The following FAM193A variants were observed in gnomAD, a reference collection of about 807,000 sequenced individuals.
The protein encoded by FAM193A is family with sequence similarity 193 member A.
Under a neutral mutation model 126.5 loss-of-function variants are expected in FAM193A, and 22 were observed. That is an observed-to-expected ratio of 0.17 (90% CI 0.12 to 0.25). The LOEUF (loss-of-function observed/expected upper bound fraction) is 0.25. Among genes scored for constraint, FAM193A ranks in the 10% least tolerant of loss-of-function variants. The probability of loss-of-function intolerance (pLI) is 1.00; values close to 1 mark genes in which losing one functional copy is unlikely to be tolerated. For synonymous variants in FAM193A, 761 were observed against 646.8 expected (o/e 1.18, Z -2.68); for missense variants, 1,675 against 1,672.8 (o/e 1.00, Z -0.02).
intron 1 of FAM193A, among the ~76,000 whole-genome samples, chr4:2,557,690 C>T (rs745365937): frequency 7.2e-5 from 11 of 152,068 alleles, no homozygotes; most frequent in Non-Finnish European, 1.5e-4. Context: ...CGGTGGCTCA[C>T]GCCTGTAATC....
intron 1 of FAM193A, among the ~76,000 whole-genome samples, chr4:2,577,408 G>A (rs1399297871): frequency 8.8e-6 from 1 of 113,068 alleles, no homozygotes; most frequent in African/African-American, 3.1e-5. Flanking sequence ...CTCAATTAAA[G>A]TGGTTTTTTT....
At chr4:2,726,509 G>A (rs1215550391) in intron 20 of FAM193A, among the ~76,000 whole-genome samples, 3 of 152,118 alleles carry the variant, frequency 2.0e-5, no homozygotes, top group East Asian at 3.8e-4. Context: ...CATGGGATCC[G>A]GGTCCCGGTA....
intron 8 of FAM193A, 30 bp downstream of exon 8, chr4:2,657,910 AGG>A: frequency 1.4e-6 from 2 of 1,478,782 alleles, no homozygotes; most frequent in Non-Finnish European, 1.9e-6. Context: ...AGGCAATTAA[AGG>A]AAGTAGAAAT....
chr4:2,543,094 C>CTTT (rs199951533), intron 1 of FAM193A, among the ~76,000 whole-genome samples: 2 of 146,118 alleles, frequency 1.4e-5, no homozygotes, highest in African/African-American at 2.5e-5. Context: ...GTTTTCTTTT[C>CTTT]TTTTTTTTTT....
At chr4:2,723,785 G>C (rs1156348260) in intron 20 of FAM193A, among the ~76,000 whole-genome samples, 2 of 146,826 alleles carry the variant, frequency 1.4e-5, no homozygotes, top group Non-Finnish European at 3.0e-5. Context: ...TGGAGGGTTG[G>C]GGTTTCTGGG....
intron 2 of FAM193A, among the ~76,000 whole-genome samples, chr4:2,598,775 G>A (rs568605940): frequency 5.8e-4 from 89 of 152,334 alleles, no homozygotes; most frequent in Admixed American, 2.1e-3. Context: ...GGCCTCAGCT[G>A]GGCTGTCTCT....
intron 13 of FAM193A, among the ~76,000 whole-genome samples, chr4:2,688,330 T>C (rs1715977955): frequency 6.6e-6 from 1 of 152,070 alleles, no homozygotes; most frequent in African/African-American, 2.4e-5. Context: ...AAGGCTCGCC[T>C]TGGTCTTGGG....
chr4:2,659,704 C>T, intron 9 of FAM193A, 34 bp downstream of exon 9: 8 of 1,610,312 alleles, frequency 5.0e-6, no homozygotes, highest in Non-Finnish European at 6.8e-6. Flanking sequence ...CACGACTGGC[C>T]CATTGGACCT....
At chr4:2,637,256 G>A (rs1281180637) in intron 5 of FAM193A, among the ~76,000 whole-genome samples, 3 of 152,200 alleles carry the variant, frequency 2.0e-5, no homozygotes, top group African/African-American at 4.8e-5. Flanking sequence ...GAGCCTGGGA[G>A]GCGGAGGTTG....
At chr4:2,688,724 T>C (rs1375330888) in intron 13 of FAM193A, among the ~76,000 whole-genome samples, 1 of 152,228 alleles carries the variant, frequency 6.6e-6, no homozygotes, top group African/African-American at 2.4e-5. Flanking sequence ...GTGGTGCAAA[T>C]GTGCAGGCTG....
chr4:2,706,431 G>A (rs1718320253), intron 19 of FAM193A, among the ~76,000 whole-genome samples: 1 of 150,940 alleles, frequency 6.6e-6, no homozygotes, highest in African/African-American at 2.4e-5. Flanking sequence ...CAAGTAGCTG[G>A]GATTACAGCC....
At chr4:2,723,816 T>C (rs1389102602) in intron 20 of FAM193A, among the ~76,000 whole-genome samples, 2 of 152,076 alleles carry the variant, frequency 1.3e-5, no homozygotes, top group Non-Finnish European at 2.9e-5. Context: ...GTTTGTTTTG[T>C]TTTGTTTTTT....
chr4:2,610,151 G>C (rs572762890), intron 2 of FAM193A, among the ~76,000 whole-genome samples: 42 of 151,908 alleles, frequency 2.8e-4, no homozygotes, highest in African/African-American at 8.9e-4. Context: ...AGAATCGCTT[G>C]AACCAGAGAG....
rs947408676 is a variant in FAM193A, at chr4:2,594,043, C to T, written c.256-2041C>T. On this transcript the variant is annotated intron_variant, in intron 1 of 20. Coordinates refer to ENST00000637812, the MANE Select transcript of FAM193A (RefSeq NM_001366318.2). Reference sequence around the variant, plus strand: ...CCAAACATTCAGCTCAGGATGGCTGCTGAGCTGGGTTTGGGAAAACTCACA... The same window carrying T: ...CCAAACATTCAGCTCAGGATGGCTGTTGAGCTGGGTTTGGGAAAACTCACA... Among the ~76,000 whole-genome samples the T allele has an allele frequency of 2.0e-5, 3 of 152,156 alleles. No homozygotes were observed. The East Asian group carries it at 5.8e-4, about 29-fold the overall frequency.
At chr4:2,619,729 A>G (rs757692287) in intron 2 of FAM193A, among the ~76,000 whole-genome samples, 1 of 151,938 alleles carries the variant, frequency 6.6e-6, no homozygotes, top group Non-Finnish European at 1.5e-5. Flanking sequence ...TCTGTCACCC[A>G]GGCTGGAGTG....
chr4:2,615,378 A>T (rs1742116903), intron 2 of FAM193A, among the ~76,000 whole-genome samples: 1 of 152,120 alleles, frequency 6.6e-6, no homozygotes, highest in African/African-American at 2.4e-5. Context: ...AGGATCTATA[A>T]ATCTCTGTCT....
chr4:2,615,221 A>C (rs969310048), intron 2 of FAM193A: 6 of 152,406 alleles, frequency 3.9e-5, no homozygotes, highest in African/African-American at 1.4e-4. Context: ...CATTTGTACC[A>C]GCCTGTTTGT....
intron 2 of FAM193A, among the ~76,000 whole-genome samples, chr4:2,596,819 T>A (rs1410079394): frequency 6.6e-6 from 1 of 152,194 alleles, no homozygotes; most frequent in African/African-American, 2.4e-5. Context: ...TGGTGGGCCC[T>A]TGTTCCGGGC....
intron 13 of FAM193A, among the ~76,000 whole-genome samples, chr4:2,675,586 G>A (rs927826577): frequency 2.0e-5 from 3 of 152,166 alleles, no homozygotes; most frequent in Non-Finnish European, 2.9e-5. Context: ...TTTGGTTAGT[G>A]CTAGCATGGT....
Sources: allele counts gnomAD v4.1 joint callset (sites outside exome capture counted in the v4.1 genomes callset), GRCh38; gene constraint gnomAD v4.1.1; transcripts MANE v1.5; gene names NCBI Gene and HGNC (gene_info 2026-07-23, HGNC 2026-07-21).